The following PIP5K1B variants were observed in gnomAD, a reference collection of about 807,000 sequenced individuals.
PIP5K1B encodes phosphatidylinositol-4-phosphate 5-kinase type 1 beta.
In PIP5K1B, 42 loss-of-function variants were observed where a neutral mutation model predicts 67.0. The observed-to-expected ratio is 0.63, with a 90% CI of 0.49 to 0.81. The LOEUF (loss-of-function observed/expected upper bound fraction) is 0.81, where lower values mean the gene tolerates loss of function less well. PIP5K1B is among the 30% of genes least tolerant of loss of function. The pLI is 0.00. For missense variants in PIP5K1B, 459 were observed against 646.3 expected (o/e 0.71, Z 3.14); for synonymous variants, 214 against 231.4 (o/e 0.92, Z 0.68).
intron 7 of PIP5K1B, among the ~76,000 whole-genome samples, chr9:68,891,957 T>C (rs1824813522): frequency 6.6e-6 from 1 of 152,062 alleles, no homozygotes; most frequent in Admixed American, 6.6e-5. Context: ...AAGCAAGATA[T>C]AGTAAGTGGA....
At chr9:68,959,595 C>T (rs115147361) in intron 14 of PIP5K1B, among the ~76,000 whole-genome samples, 11 of 152,228 alleles carry the variant, frequency 7.2e-5, no homozygotes, top group Middle Eastern at 6.8e-3. Context: ...CCTTTTATCA[C>T]CCCACCTTCA....
At chr9:68,744,252 C>T (rs1386885898) in intron 2 of PIP5K1B, among the ~76,000 whole-genome samples, 5 of 152,144 alleles carry the variant, frequency 3.3e-5, no homozygotes, top group Non-Finnish European at 2.9e-5. Context: ...ACATTTTCCA[C>T]GAGATGTGCT....
chr9:68,979,194 G>A (rs1407917631), intron 14 of PIP5K1B, among the ~76,000 whole-genome samples: 1 of 152,216 alleles, frequency 6.6e-6, no homozygotes, highest in Non-Finnish European at 1.5e-5. Flanking sequence ...GGCAATATGT[G>A]TAGGACAGGT....
At position 68,934,876 on chromosome 9, in the gene PIP5K1B, T is replaced by A. The variant is rs746587043; in HGVS notation, c.1202-14T>A. 1 of 1,584,938 alleles carries A rather than the reference T, an allele frequency of 6.3e-7. No individual in the cohort carries two copies. The highest frequency in any genetic ancestry group is 2.3e-5 in the East Asian group (1 of 44,156). Reference sequence around the variant, plus strand: ...CAGTAAATATCTGTATTTGTCCTTTTCCTTTCTGTCTAGCTTTGAAGGCTT... The same window carrying A: ...CAGTAAATATCTGTATTTGTCCTTTACCTTTCTGTCTAGCTTTGAAGGCTT... On this transcript the variant is annotated splice_polypyrimidine_tract_variant and intron_variant, in intron 12 of 15. Transcript: ENST00000265382.
chr9:68,933,283 AAAAAT>A (rs10659430), intron 12 of PIP5K1B, among the ~76,000 whole-genome samples: 12 of 149,672 alleles, frequency 8.0e-5, no homozygotes, highest in East Asian at 3.9e-4. Context: ...GAACTTAAAG[AAAAAT>A]AAAATAAAAT....
intron 1 of PIP5K1B, among the ~76,000 whole-genome samples, chr9:68,732,924 G>T (rs569530365): frequency 9.4e-4 from 137 of 145,194 alleles, no homozygotes; most frequent in Middle Eastern, 3.4e-3. Flanking sequence ...GTTGGGGGGG[G>T]GGCGGCGCGG....
intron 2 of PIP5K1B, among the ~76,000 whole-genome samples, chr9:68,755,005 C>CAATA (rs1470787974): frequency 3.3e-5 from 5 of 152,160 alleles, no homozygotes; most frequent in Non-Finnish European, 7.3e-5. Context: ...ACCAATTGAT[C>CAATA]AATAAATAAA....
At chr9:68,996,859 C>G (rs1485413513) in intron 15 of PIP5K1B, among the ~76,000 whole-genome samples, 6 of 152,282 alleles carry the variant, frequency 3.9e-5, no homozygotes, top group South Asian at 4.1e-4. Context: ...TGCCAGAAAA[C>G]AGTGACTTCC....
chr9:68,934,987 G>GGAT lies in PIP5K1B; in HGVS notation c.1302_1304dup (p.Asp434dup). On this transcript the variant is annotated inframe_insertion, in exon 13 of 16. Coordinates refer to ENST00000265382, the MANE Select transcript of PIP5K1B (RefSeq NM_003558.4). ...TGTCCTCAATTAGCCAGGAATGGAA[G>GGAT]GATGAGAAGCGGGATTTGCTGACTG... 6.2e-7 allele frequency: 1 copy of GGAT among 1,613,734 alleles called. No individual in the cohort carries two copies. Among genetic ancestry groups the GGAT allele is most frequent in the Non-Finnish European group, 8.5e-7 (1 of 1,179,732 alleles).
At chr9:68,977,417 G>A (rs760158683) in intron 14 of PIP5K1B, among the ~76,000 whole-genome samples, 1 of 152,176 alleles carries the variant, frequency 6.6e-6, no homozygotes, top group Non-Finnish European at 1.5e-5. Context: ...CAGCTACCTG[G>A]GAGGCTGAGG....
intron 1 of PIP5K1B, among the ~76,000 whole-genome samples, chr9:68,725,095 G>T (rs1353658922): frequency 6.6e-6 from 1 of 152,180 alleles, no homozygotes; most frequent in Non-Finnish European, 1.5e-5. Flanking sequence ...TATAGAAGAA[G>T]AATATGTCTT....
chr9:68,816,382 G>A (rs1450779287), intron 2 of PIP5K1B, among the ~76,000 whole-genome samples: 1 of 152,080 alleles, frequency 6.6e-6, no homozygotes, highest in Admixed American at 6.5e-5. Flanking sequence ...GCCCACCTCC[G>A]GCTCCCAAAG....
intron 8 of PIP5K1B, among the ~76,000 whole-genome samples, chr9:68,895,431 G>T (rs1274039580): frequency 6.6e-6 from 1 of 152,284 alleles, no homozygotes; most frequent in East Asian, 1.9e-4. Flanking sequence ...GTGGAGGTGG[G>T]CAGAAAGCAT....
chr9:69,002,599 A>G (rs1237752795), intron 15 of PIP5K1B, among the ~76,000 whole-genome samples: 3 of 152,170 alleles, frequency 2.0e-5, no homozygotes, highest in Non-Finnish European at 2.9e-5. Flanking sequence ...AGATATGAAT[A>G]TAATAAAATA....
At chr9:68,926,833 A>G (rs1014886038) in intron 12 of PIP5K1B, among the ~76,000 whole-genome samples, 1 of 152,076 alleles carries the variant, frequency 6.6e-6, no homozygotes, top group East Asian at 1.9e-4. Context: ...CAGCCTCCCA[A>G]AGTGCTCAGA....
intron 2 of PIP5K1B, among the ~76,000 whole-genome samples, chr9:68,762,329 C>T (rs1233138884): frequency 6.6e-6 from 1 of 151,878 alleles, no homozygotes; most frequent in South Asian, 2.1e-4. Context: ...GGCTGAAAGT[C>T]GTGGAATGTT....
chr9:68,995,243 A>AAGAGAGAG (rs1564303248), intron 15 of PIP5K1B, among the ~76,000 whole-genome samples: 1 of 151,694 alleles, frequency 6.6e-6, no homozygotes, highest in African/African-American at 2.4e-5. Context: ...GAAAGAGAGA[A>AAGAGAGAG]AGAAAGAGAA....
At chr9:69,008,378 G>A (rs971646199) in intron 15 of PIP5K1B, 69 bp from the exon 16 acceptor site, 41 of 1,422,440 alleles carry the variant, frequency 2.9e-5, no homozygotes, top group East Asian at 4.5e-5. Flanking sequence ...CTTATGTTGC[G>A]ACTCATGGGG....
intron 2 of PIP5K1B, among the ~76,000 whole-genome samples, chr9:68,751,171 T>C (rs1829611563): frequency 1.3e-5 from 2 of 152,234 alleles, no homozygotes; most frequent in Admixed American, 6.5e-5. Flanking sequence ...AGTATTGTTA[T>C]AACGGTTGTA....
Sources: allele counts gnomAD v4.1 joint callset (sites outside exome capture counted in the v4.1 genomes callset), GRCh38; gene constraint gnomAD v4.1.1; transcripts MANE v1.5; gene names NCBI Gene and HGNC (gene_info 2026-07-23, HGNC 2026-07-21).